Variants in PRKN observed in about 807,000 individuals in gnomAD.
PRKN encodes parkin RBR E3 ubiquitin protein ligase.
In PRKN, 56 loss-of-function variants were observed where a neutral mutation model predicts 59.5. The observed-to-expected ratio is 0.94, with a 90% CI of 0.76 to 1.18. The LOEUF (loss-of-function observed/expected upper bound fraction) is 1.18, where lower values mean the gene tolerates loss of function less well. Ranked by LOEUF, PRKN falls within the 50% of genes most tolerant of loss-of-function variation. PRKN has a pLI of 0.00. For missense variants in PRKN, 657 were observed against 596.4 expected (o/e 1.10, Z -1.06); for synonymous variants, 250 against 222.1 (o/e 1.13, Z -1.12).
At chr6:162,552,094 A>T (rs1017126082) in intron 1 of PRKN, among the ~76,000 whole-genome samples, 2 of 152,200 alleles carry the variant, frequency 1.3e-5, no homozygotes, top group Admixed American at 1.3e-4. Flanking sequence ...GAGAAGAGAG[A>T]AGGAAAACAC....
At chr6:162,528,082 G>GGTGT (rs1554236876) in intron 1 of PRKN, among the ~76,000 whole-genome samples, 8 of 65,936 alleles carry the variant, frequency 1.2e-4, no homozygotes, top group African/African-American at 2.9e-4. Context: ...GGGGCGGGAG[G>GGTGT]GGTGCGGGGC....
chr6:162,002,262 A>G (rs1782088002), intron 5 of PRKN, among the ~76,000 whole-genome samples: 1 of 152,040 alleles, frequency 6.6e-6, no homozygotes, highest in Non-Finnish European at 1.5e-5. Flanking sequence ...GTTTTGTGGA[A>G]TTCACTAGTG....
intron 5 of PRKN, among the ~76,000 whole-genome samples, chr6:162,050,324 G>A (rs551780050): frequency 6.6e-6 from 1 of 152,232 alleles, no homozygotes; most frequent in Non-Finnish European, 1.5e-5. Flanking sequence ...GCCAGATTCT[G>A]TTCCTTTAAC....
intron 5 of PRKN, among the ~76,000 whole-genome samples, chr6:162,025,559 C>T (rs972477082): frequency 1.4e-5 from 2 of 144,012 alleles, no homozygotes; most frequent in African/African-American, 5.2e-5. Context: ...ATTCTGTGAT[C>T]TCCCAGTGGC....
At chr6:161,834,976 C>T (rs1792685336) in intron 6 of PRKN, among the ~76,000 whole-genome samples, 1 of 152,168 alleles carries the variant, frequency 6.6e-6, no homozygotes, top group South Asian at 2.1e-4. Flanking sequence ...CGGAGCACCC[C>T]CGTCAGCAGG....
intron 6 of PRKN, among the ~76,000 whole-genome samples, chr6:161,818,978 A>G (rs1051209637): frequency 6.6e-6 from 1 of 152,300 alleles, no homozygotes. Flanking sequence ...GAGACATTCA[A>G]TAAGTGGCAT....
chr6:162,278,794 G>C (rs1780746520), intron 2 of PRKN, among the ~76,000 whole-genome samples: 1 of 152,026 alleles, frequency 6.6e-6, no homozygotes, highest in African/African-American at 2.4e-5. Context: ...GGAACAAAAT[G>C]TCAGTCTATC....
chr6:161,976,473 G>C (rs751784880), intron 5 of PRKN, among the ~76,000 whole-genome samples: 70 of 152,306 alleles, frequency 4.6e-4, no homozygotes, highest in Non-Finnish European at 8.8e-4. Context: ...CATGAGTCCA[G>C]GACCTTCCCC....
chr6:161,888,651 T>C (rs1305281550), intron 6 of PRKN, among the ~76,000 whole-genome samples: 1 of 152,196 alleles, frequency 6.6e-6, no homozygotes, highest in African/African-American at 2.4e-5. Flanking sequence ...TGTAGGCCTG[T>C]CATTATCAAT....
At chr6:162,347,363 C>T (rs1784445763) in intron 2 of PRKN, among the ~76,000 whole-genome samples, 1 of 151,496 alleles carries the variant, frequency 6.6e-6, no homozygotes, top group South Asian at 2.1e-4. Flanking sequence ...TATTTTTCTA[C>T]ATTAATAATA....
chr6:162,718,198 C>CAA (rs11461658), intron 1 of PRKN, among the ~76,000 whole-genome samples: 17 of 151,810 alleles, frequency 1.1e-4, no homozygotes, highest in African/African-American at 2.4e-4. Context: ...TGTTTTAAGA[C>CAA]AAAAAAAATC....
intron 6 of PRKN, among the ~76,000 whole-genome samples, chr6:161,891,154 C>T (rs1295008252): frequency 1.3e-5 from 2 of 152,146 alleles, no homozygotes; most frequent in Non-Finnish European, 2.9e-5. Context: ...CAGAACTTGG[C>T]CGTGTTTAAA....
At chr6:162,667,257 C>A (rs1184922259) in intron 1 of PRKN, among the ~76,000 whole-genome samples, 1 of 152,010 alleles carries the variant, frequency 6.6e-6, no homozygotes, top group Non-Finnish European at 1.5e-5. Flanking sequence ...AAAAACAAGT[C>A]TTGCTTCCTT....
At chr6:161,655,019 G>T (rs1250267358) in intron 7 of PRKN, among the ~76,000 whole-genome samples, 2 of 152,222 alleles carry the variant, frequency 1.3e-5, no homozygotes, top group Non-Finnish European at 2.9e-5. Context: ...AGCCAGACGA[G>T]GTGTCAGCAT....
rs1027329652 is a variant in PRKN, at chr6:162,010,278, A to G, written c.619-36861T>C. Among the ~76,000 whole-genome samples, 194 of 128,106 alleles carry G rather than the reference A, an allele frequency of 1.5e-3. 3 individuals are homozygous for G. The highest frequency in any genetic ancestry group is 5.2e-3 in the African/African-American group (177 of 33,728). 84.0% of individuals were successfully genotyped at this position (128,106 alleles called of 152,430 possible). Reference sequence around the variant, plus strand: ...AATATATATTTTATATATATTATGTATGATAAATATATTTTATATATTTAT... The same window carrying G: ...AATATATATTTTATATATATTATGTGTGATAAATATATTTTATATATTTAT... On this transcript the variant is annotated intron_variant, in intron 5 of 11. Transcript: ENST00000366898.
chr6:162,641,470 T>C (rs1777955924), intron 1 of PRKN, among the ~76,000 whole-genome samples: 1 of 152,042 alleles, frequency 6.6e-6, no homozygotes, highest in Non-Finnish European at 1.5e-5. Context: ...AGTATCTGGT[T>C]ACCTATTTAA....
chr6:162,718,926 A>T (rs1295823820), intron 1 of PRKN, among the ~76,000 whole-genome samples: 1 of 152,280 alleles, frequency 6.6e-6, no homozygotes, highest in East Asian at 1.9e-4. Context: ...GCATGTAGTG[A>T]GACACGGCAG....
At chr6:161,425,199 A>C (rs767707867) in intron 9 of PRKN, among the ~76,000 whole-genome samples, 1 of 152,144 alleles carries the variant, frequency 6.6e-6, no homozygotes, top group African/African-American at 2.4e-5. Context: ...TGACCCCACT[A>C]GTCTTGGAAG....
At chr6:162,272,585 A>G (rs1466012776) in intron 2 of PRKN, among the ~76,000 whole-genome samples, 1 of 152,102 alleles carries the variant, frequency 6.6e-6, no homozygotes. Context: ...ACAGAACCAC[A>G]TGCGAGTTTA....
Sources: gnomAD v4.1 joint callset for allele counts (sites outside exome capture counted in the v4.1 genomes callset) on GRCh38, gnomAD v4.1.1 for gene constraint, MANE v1.5 for transcripts, NCBI Gene and HGNC (gene_info 2026-07-23, HGNC 2026-07-21) for gene names.